The following SYN3 variants were observed in gnomAD, a reference collection of about 807,000 sequenced individuals.
SYN3 encodes the protein synapsin III.
SYN3 carries 35 observed loss-of-function variants against 65.8 expected under a neutral mutation model. The observed-to-expected ratio is 0.53, with a 90% CI of 0.41 to 0.70. The LOEUF (loss-of-function observed/expected upper bound fraction) is 0.70. Among genes scored for constraint, SYN3 ranks in the 30% least tolerant of loss-of-function variants. SYN3 has a pLI of 0.00. For missense variants in SYN3, 680 were observed against 749.0 expected (o/e 0.91, Z 1.08); for synonymous variants, 270 against 292.9 (o/e 0.92, Z 0.80).
At chr22:32,888,761 A>C (rs757672450) in intron 4 of SYN3, among the ~76,000 whole-genome samples, 1 of 152,198 alleles carries the variant, frequency 6.6e-6, no homozygotes, top group African/African-American at 2.4e-5. Context: ...GAGCACTGAC[A>C]TGACACTCAA....
intron 7 of SYN3, among the ~76,000 whole-genome samples, chr22:32,561,069 C>T (rs1180058860): frequency 6.6e-6 from 1 of 152,166 alleles, no homozygotes; most frequent in African/African-American, 2.4e-5. Context: ...TGCGGAGGAG[C>T]AGTTGTGCCC....
intron 3 of SYN3, among the ~76,000 whole-genome samples, chr22:32,949,965 G>T (rs1182451335): frequency 6.6e-6 from 1 of 152,210 alleles, no homozygotes. Context: ...ACGAGATGTT[G>T]TCCAGAGTTC....
At chr22:32,773,544 G>C (rs879627739) in intron 6 of SYN3, among the ~76,000 whole-genome samples, 1 of 151,994 alleles carries the variant, frequency 6.6e-6, no homozygotes, top group Non-Finnish European at 1.5e-5. Context: ...GGGAATTACA[G>C]ATTTTTATGA....
intron 6 of SYN3, among the ~76,000 whole-genome samples, chr22:32,771,315 G>C (rs1245998958): frequency 6.6e-6 from 1 of 152,216 alleles, no homozygotes; most frequent in Non-Finnish European, 1.5e-5. Context: ...CCATGGAGAT[G>C]TTAAAATTCT....
chr22:32,686,874 C>T (rs967249028), intron 6 of SYN3, among the ~76,000 whole-genome samples: 91 of 152,118 alleles, frequency 6.0e-4, no homozygotes, highest in African/African-American at 2.0e-3. Context: ...GGATTACAGG[C>T]GTGAACCACT....
chr22:33,030,660 C>CAG (rs567060689), intron 1 of SYN3, among the ~76,000 whole-genome samples: 3,438 of 145,844 alleles, frequency 0.024, 103 homozygotes, highest in African/African-American at 0.081. Flanking sequence ...CTGATAGAGA[C>CAG]AGAGAGAGAG....
intron 6 of SYN3, among the ~76,000 whole-genome samples, chr22:32,656,144 G>A (rs1417751030): frequency 3.3e-5 from 5 of 152,158 alleles, no homozygotes; most frequent in Non-Finnish European, 5.9e-5. Context: ...TAATACTACC[G>A]TCTACTGTTT....
chr22:32,656,928 G>C (rs1190130759), intron 6 of SYN3, among the ~76,000 whole-genome samples: 1 of 152,072 alleles, frequency 6.6e-6, no homozygotes, highest in Admixed American at 6.5e-5. Flanking sequence ...TGAGGTCTCT[G>C]AGCTGAAGCA....
chr22:33,023,986 C>G (rs759812229), intron 1 of SYN3, among the ~76,000 whole-genome samples: 2 of 152,192 alleles, frequency 1.3e-5, no homozygotes, highest in Non-Finnish European at 2.9e-5. Flanking sequence ...GCTGGCCTCT[C>G]TGGGCTAGAT....
intron 6 of SYN3, among the ~76,000 whole-genome samples, chr22:32,612,512 A>G (rs996342534): frequency 6.6e-6 from 1 of 152,214 alleles, no homozygotes; most frequent in African/African-American, 2.4e-5. Context: ...GAGTAGAAAA[A>G]TAGTTTCGCT....
chr22:32,583,135 T>A (rs1009841392), intron 7 of SYN3, among the ~76,000 whole-genome samples: 1 of 152,042 alleles, frequency 6.6e-6, no homozygotes, highest in African/African-American at 2.4e-5. Flanking sequence ...GAGGCAGATG[T>A]TTGTATTTTA....
intron 6 of SYN3, among the ~76,000 whole-genome samples, chr22:32,730,335 G>A (rs548129735): frequency 1.3e-4 from 20 of 152,252 alleles, no homozygotes; most frequent in South Asian, 6.2e-4. Context: ...TTCGACACTC[G>A]GCTTACTGAG....
chr22:32,740,914 A>G (rs993513470), intron 6 of SYN3, among the ~76,000 whole-genome samples: 1 of 152,204 alleles, frequency 6.6e-6, no homozygotes, highest in African/African-American at 2.4e-5. Flanking sequence ...GGTCCATTCC[A>G]ACCTTGGGCT....
At chr22:32,934,425 G>T (rs2050719029) in intron 3 of SYN3, among the ~76,000 whole-genome samples, 1 of 152,198 alleles carries the variant, frequency 6.6e-6, no homozygotes, top group South Asian at 2.1e-4. Context: ...TTATTTCTCA[G>T]TTGTGGTTTA....
chr22:33,021,856 G>C (rs2145863344), intron 1 of SYN3, among the ~76,000 whole-genome samples: 1 of 151,136 alleles, frequency 6.6e-6, no homozygotes, highest in South Asian at 2.1e-4. Context: ...CAGGGAGAGA[G>C]ACCATCGTCT....
At chr22:32,882,545 T>C (rs1355991972) in intron 4 of SYN3, among the ~76,000 whole-genome samples, 1 of 152,122 alleles carries the variant, frequency 6.6e-6, no homozygotes, top group East Asian at 1.9e-4. Flanking sequence ...CAGTTGCCCT[T>C]TGAAGTGTGT....
At chr22:32,559,979 T>C (rs1200302905) in intron 7 of SYN3, among the ~76,000 whole-genome samples, 1 of 152,236 alleles carries the variant, frequency 6.6e-6, no homozygotes, top group African/African-American at 2.4e-5. Context: ...TATGACCTTC[T>C]TCTAGGAACA....
At chr22:33,010,849 T>C (rs958863422) in intron 1 of SYN3, among the ~76,000 whole-genome samples, 1 of 152,288 alleles carries the variant, frequency 6.6e-6, no homozygotes, top group East Asian at 1.9e-4. Context: ...TATTCCTATT[T>C]CGTTTGGGGT....
chr22:32,641,348 C>T (rs1309320358), intron 6 of SYN3, among the ~76,000 whole-genome samples: 3 of 152,058 alleles, frequency 2.0e-5, no homozygotes, highest in Non-Finnish European at 4.4e-5. Flanking sequence ...GTGGTTCATG[C>T]CTGTAATCCC....
Sources: gnomAD v4.1 joint callset for allele counts (sites outside exome capture counted in the v4.1 genomes callset) on GRCh38, gnomAD v4.1.1 for gene constraint, MANE v1.5 for transcripts, NCBI Gene and HGNC (gene_info 2026-07-23, HGNC 2026-07-21) for gene names.